RASAL2: variants seen among roughly 807,000 people sequenced by gnomAD.
The protein encoded by RASAL2 is RAS protein activator like 2.
RASAL2 carries 58 observed loss-of-function variants against 128.9 expected under a neutral mutation model. The ratio of observed to expected loss-of-function variants is 0.45; its 90% confidence interval spans 0.36 to 0.56. The LOEUF (loss-of-function observed/expected upper bound fraction) is 0.56, where lower values mean the gene tolerates loss of function less well. Ranked by LOEUF, RASAL2 falls within the 20% of genes least tolerant of loss-of-function variation. RASAL2 has a pLI of 0.00. For synonymous variants in RASAL2, 561 were observed against 580.8 expected, an observed-to-expected ratio of 0.97 and a Z score of 0.49; for missense variants, 1,360 against 1,601.6, an observed-to-expected ratio of 0.85 and a Z score of 2.57.
intron 3 of RASAL2, among the ~76,000 whole-genome samples, chr1:178,323,746 A>G (rs1462002065): frequency 6.6e-6 from 1 of 152,220 alleles, no homozygotes; most frequent in Non-Finnish European, 1.5e-5. Flanking sequence ...GAGAATGATA[A>G]GAGAAAATGA....
intron 13 of RASAL2, 91 bp downstream of exon 13, chr1:178,456,990 G>A (rs953631227): frequency 1.5e-6 from 2 of 1,350,930 alleles, no homozygotes; most frequent in African/African-American, 2.9e-5. Flanking sequence ...GAATTTACAA[G>A]TTTAAAATCA....
intron 3 of RASAL2, among the ~76,000 whole-genome samples, chr1:178,376,236 C>G (rs1332379715): frequency 6.6e-6 from 1 of 152,014 alleles, no homozygotes; most frequent in Non-Finnish European, 1.5e-5. Context: ...CTGTTGATAA[C>G]CTGTGAAAGT....
intron 3 of RASAL2, among the ~76,000 whole-genome samples, chr1:178,388,433 A>T (rs1302908584): frequency 1.3e-5 from 2 of 152,226 alleles, no homozygotes. Context: ...AGCTTTGCAC[A>T]TTAAGGCTCA....
intron 2 of RASAL2, among the ~76,000 whole-genome samples, chr1:178,295,379 C>T (rs1372793879): frequency 1.3e-5 from 2 of 152,058 alleles, no homozygotes; most frequent in Non-Finnish European, 2.9e-5. Context: ...CCCCTCACCC[C>T]CCAGCAGGCC....
At chr1:178,238,956 A>G (rs1376574099) in intron 1 of RASAL2, among the ~76,000 whole-genome samples, 1 of 152,074 alleles carries the variant, frequency 6.6e-6, no homozygotes, top group African/African-American at 2.4e-5. Context: ...ATGATTATGA[A>G]ACCGTATCCT....
At chr1:178,289,881 G>T (rs2102235973) in intron 2 of RASAL2, among the ~76,000 whole-genome samples, 1 of 152,218 alleles carries the variant, frequency 6.6e-6, no homozygotes, top group South Asian at 2.1e-4. Flanking sequence ...CCGTGGTCTT[G>T]GCTTTTTCTT....
intron 3 of RASAL2, among the ~76,000 whole-genome samples, chr1:178,346,138 A>G (rs1216816736): frequency 6.6e-6 from 1 of 152,172 alleles, no homozygotes; most frequent in African/African-American, 2.4e-5. Flanking sequence ...CACATCAGCC[A>G]GGTTCAGTGG....
At chr1:178,237,909 C>T (rs773259549) in intron 1 of RASAL2, among the ~76,000 whole-genome samples, 29 of 152,200 alleles carry the variant, frequency 1.9e-4, no homozygotes, top group Non-Finnish European at 3.8e-4. Context: ...CCCTGGTAAC[C>T]ACCATTCTAC....
At chr1:178,233,487 CAG>C (rs1664095736) in intron 1 of RASAL2, among the ~76,000 whole-genome samples, 1 of 152,110 alleles carries the variant, frequency 6.6e-6, no homozygotes, top group Non-Finnish European at 1.5e-5. Flanking sequence ...TTATCGGTGG[CAG>C]AGACATCCGA....
rs2102989462 is a variant in RASAL2 at position 178,478,282 on chromosome 1, T to C, written c.*5043T>C. 6.6e-6 allele frequency: 1 copy of C among 152,328 alleles called. No homozygotes were observed. Among genetic ancestry groups the C allele is most frequent in the African/African-American group, 2.4e-5 (1 of 41,582 alleles). The allele number at this position is 152,328 out of a possible 1,614,324, so 9.4% of individuals were successfully genotyped here. ...AGATATTTATGTGTAAATATCATTT[T>C]ATGTGATTTCCAAATTTTCGAGGGA... is the stretch of plus-strand genomic sequence containing the variant. On this transcript the variant is annotated 3_prime_UTR_variant, in exon 18 of 18. Coordinates refer to ENST00000367649, the MANE Select transcript of RASAL2 (RefSeq NM_170692.4).
chr1:178,390,041 G>A (rs1010455656), intron 3 of RASAL2, 59 bp from the exon 4 acceptor site: 1 of 1,101,944 alleles, frequency 9.1e-7, no homozygotes. Flanking sequence ...TTACAGTTCA[G>A]TGGAAGATCC....
intron 4 of RASAL2, among the ~76,000 whole-genome samples, chr1:178,412,996 C>CTCTT (rs548534433): frequency 6.6e-6 from 1 of 150,974 alleles, no homozygotes; most frequent in Admixed American, 6.6e-5. Flanking sequence ...TTCTTTCTTT[C>CTCTT]TCTTTCTTTC....
rs1648504946 is a variant in RASAL2 at position 178,474,000 on chromosome 1, T to A, written c.*761T>A. On this transcript the variant is annotated 3_prime_UTR_variant, in exon 18 of 18. Coordinates refer to ENST00000367649, the MANE Select transcript of RASAL2 (RefSeq NM_170692.4). Reference sequence around the variant, plus strand: ...TCTTCTCTTTTAGACAGGGGCTTTTTGTTTTTAACCCCAATTGTAATAAAG... The same window carrying A: ...TCTTCTCTTTTAGACAGGGGCTTTTAGTTTTTAACCCCAATTGTAATAAAG... 6.6e-6 allele frequency: 1 copy of A among 152,384 alleles called. No homozygotes were observed. Among genetic ancestry groups the A allele is most frequent in the African/African-American group, 2.4e-5 (1 of 41,472 alleles). 9.4% of individuals were successfully genotyped at this position (152,384 alleles called of 1,614,324 possible).
At position 178,108,969 on chromosome 1, in the gene RASAL2, T is replaced by C. The variant is rs574457528; in HGVS notation, c.202+14275T>C. Among the ~76,000 whole-genome samples the C allele has an allele frequency of 1.5e-4, 23 of 152,334 alleles. No individual in the cohort carries two copies. In the South Asian group the frequency reaches 4.8e-3, roughly 32 times the overall value. ...AAAATTCATGTATTTTTAGCAGTAA[T>C]ATAAAATATGGACTTTTTTTCTATA... On this transcript the variant is annotated intron_variant, in intron 1 of 17. Coordinates refer to ENST00000367649, the MANE Select transcript of RASAL2 (RefSeq NM_170692.4).
chr1:178,334,386 C>T (rs1210716645), intron 3 of RASAL2, among the ~76,000 whole-genome samples: 9 of 151,426 alleles, frequency 5.9e-5, no homozygotes, highest in East Asian at 1.9e-4. Context: ...TCACCCAGGC[C>T]GGAGTGCAGT....
chr1:178,159,457 G>A (rs578096276), intron 1 of RASAL2, among the ~76,000 whole-genome samples: 9 of 152,154 alleles, frequency 5.9e-5, no homozygotes, highest in African/African-American at 1.2e-4. Flanking sequence ...TGCATACAGC[G>A]TAGCAGTTTC....
intron 3 of RASAL2, among the ~76,000 whole-genome samples, chr1:178,347,857 C>G (rs1178193836): frequency 6.6e-6 from 1 of 152,154 alleles, no homozygotes; most frequent in East Asian, 1.9e-4. Context: ...TACAAAAATG[C>G]TTTTAACAGC....
intron 3 of RASAL2, among the ~76,000 whole-genome samples, chr1:178,354,117 C>G (rs1670667656): frequency 6.6e-6 from 1 of 151,900 alleles, no homozygotes; most frequent in South Asian, 2.1e-4. Context: ...TATTATAGTT[C>G]CAGAAATCCT....
intron 3 of RASAL2, among the ~76,000 whole-genome samples, chr1:178,363,329 G>A (rs1671226827): frequency 6.6e-6 from 1 of 151,734 alleles, no homozygotes; most frequent in South Asian, 2.1e-4. Context: ...GTTTATTCAG[G>A]TTCTTTGCCC....
Sources: allele counts gnomAD v4.1 joint callset (sites outside exome capture counted in the v4.1 genomes callset), GRCh38; gene constraint gnomAD v4.1.1; transcripts MANE v1.5; gene names NCBI Gene and HGNC (gene_info 2026-07-23, HGNC 2026-07-21).